CENPP: variants seen among roughly 807,000 people sequenced by gnomAD.
CENPP encodes centromere protein P.
CENPP carries 24 observed loss-of-function variants against 35.6 expected under a neutral mutation model. The observed-to-expected ratio is 0.67, with a 90% CI of 0.49 to 0.95. The LOEUF (loss-of-function observed/expected upper bound fraction) is 0.95, where lower values mean the gene tolerates loss of function less well. Ranked by LOEUF, CENPP falls within the 40% of genes least tolerant of loss-of-function variation. CENPP has a pLI of 0.00. For synonymous variants in CENPP, 120 were observed against 125.5 expected, an observed-to-expected ratio of 0.96 and a Z score of 0.29; for missense variants, 332 against 345.3, an observed-to-expected ratio of 0.96 and a Z score of 0.31.
chr9:92,612,847 C>T (rs1003215784), intron 7 of CENPP, among the ~76,000 whole-genome samples, 172 bp from the exon 8 acceptor site: 1 of 152,166 alleles, frequency 6.6e-6, no homozygotes, highest in Admixed American at 6.5e-5. Context: ...TGCCTCCAGC[C>T]GTAGGTGAGG....
chr9:92,380,921 G>A (rs1842226960), intron 5 of CENPP, among the ~76,000 whole-genome samples: 1 of 152,144 alleles, frequency 6.6e-6, no homozygotes, highest in Non-Finnish European at 1.5e-5. Flanking sequence ...CAGGTATGAA[G>A]TATAATTGGT....
intron 5 of CENPP, among the ~76,000 whole-genome samples, chr9:92,483,782 C>T (rs72754415): frequency 0.031 from 4,729 of 152,266 alleles, 113 homozygotes; most frequent in South Asian, 0.083. Flanking sequence ...TAGCAGCTGG[C>T]TATGTGTTCA....
rs376458848 is a variant in CENPP at position 92,583,652 on chromosome 9, G to T, written c.565-27662G>T. On this transcript the variant is annotated intron_variant, in intron 5 of 7. Coordinates refer to ENST00000375587, the MANE Select transcript of CENPP (RefSeq NM_001012267.3). ...GGTTTTTTTTTTCTTCTTTTTTGGA[G>T]GGTAGATTAAAACCATTAGCTATAC... is the stretch of plus-strand genomic sequence containing the variant. Among the ~76,000 whole-genome samples the T allele has an allele frequency of 9.2e-5, 14 of 151,666 alleles. No individual in the cohort carries two copies. The East Asian group carries it at 1.9e-3, about 21-fold the overall frequency.
intron 1 of CENPP, among the ~76,000 whole-genome samples, chr9:92,331,139 T>C (rs1000584969): frequency 2.0e-5 from 3 of 152,252 alleles, no homozygotes; most frequent in African/African-American, 7.2e-5. Flanking sequence ...TGTTTACTTT[T>C]AGAAATTAAA....
At chr9:92,610,938 A>T in intron 5 of CENPP, 1 of 253,518 alleles carries the variant, frequency 3.9e-6, no homozygotes, top group Non-Finnish European at 7.6e-6. Flanking sequence ...AGCCTGACGC[A>T]TCCGCTTGGG....
rs78372603 is a variant in CENPP, at chr9:92,523,126, G to A, written c.565-88188G>A. On this transcript the variant is annotated intron_variant, in intron 5 of 7. Coordinates refer to ENST00000375587, the MANE Select transcript of CENPP (RefSeq NM_001012267.3). ...GATGGGGTCTTGCTCCATCGCCCAG[G>A]CTGGAGTGCAGTGGTTCAGTCATGA... 4.6e-3 allele frequency among the ~76,000 whole-genome samples: 704 copies of A among 151,790 alleles called. 4 individuals carry two copies. The highest frequency in any genetic ancestry group is 0.015 in the African/African-American group (606 of 41,358).
intron 5 of CENPP, among the ~76,000 whole-genome samples, chr9:92,399,369 G>A (rs750192340): frequency 9.9e-5 from 15 of 151,704 alleles, no homozygotes; most frequent in Non-Finnish European, 1.5e-4. Context: ...TTTTTCCAGT[G>A]GATTTTTGGT....
chr9:92,603,433 T>C (rs1850982804), intron 5 of CENPP, among the ~76,000 whole-genome samples: 1 of 152,174 alleles, frequency 6.6e-6, no homozygotes, highest in Admixed American at 6.5e-5. Context: ...TTTCTGAAGT[T>C]TATCATACTT....
rs143686907 is a variant in CENPP at position 92,359,429 on chromosome 9, C to G, written c.467+13642C>G. On this transcript the variant is annotated intron_variant, in intron 4 of 7. Transcript: ENST00000375587. ...ATTTATTCATATTTTTGTAGGCCAT[C>G]TCTGTGCCAGGGATTAACCTGAGGT... Among the ~76,000 whole-genome samples the G allele has an allele frequency of 1.5e-3, 222 of 152,166 alleles. 1 individual carries two copies. Among genetic ancestry groups the G allele is most frequent in the Admixed American group, 4.7e-3 (72 of 15,284 alleles).
At chr9:92,542,055 G>A (rs1849330697) in intron 5 of CENPP, among the ~76,000 whole-genome samples, 1 of 152,150 alleles carries the variant, frequency 6.6e-6, no homozygotes, top group Admixed American at 6.5e-5. Flanking sequence ...GCCTCCCAAA[G>A]TGCTGGGATT....
Position 92,618,639 on chromosome 9 carries a change from G to A in CENPP, c.*5490G>A, listed in dbSNP as rs762519861. The A allele has an allele frequency of 9.0e-6, 4 of 446,180 alleles. No individual in the cohort carries two copies. Among genetic ancestry groups the A allele is most frequent in the South Asian group, 3.1e-5 (2 of 63,844 alleles). The allele number at this position is 446,180 out of a possible 1,614,324, so 27.6% of individuals were successfully genotyped here. A position where few individuals can be genotyped will look rare whatever the true frequency, so the allele number is the denominator to read the frequency against. ...TTAGCCCTGTAGGTATTTCCTTAGG[G>A]GATAACAGGAGTTTTCAACTAAATA... On this transcript the variant is annotated 3_prime_UTR_variant, in exon 8 of 8. Coordinates refer to ENST00000375587, the MANE Select transcript of CENPP (RefSeq NM_001012267.3).
intron 3 of CENPP, among the ~76,000 whole-genome samples, chr9:92,345,201 C>G (rs949461764): frequency 6.6e-6 from 1 of 151,952 alleles, no homozygotes; most frequent in Non-Finnish European, 1.5e-5. Context: ...TGCAGTGAGC[C>G]GAGATCGCGC....
rs909176139 is a variant in CENPP, at chr9:92,379,830, T to C, written c.535T>C (p.Tyr179His). 2 of 1,612,826 alleles carry C rather than the reference T, an allele frequency of 1.2e-6. No individual in the cohort carries two copies. The highest frequency in any genetic ancestry group is 1.7e-6 in the Non-Finnish European group (2 of 1,178,828). ...GCATTTTTTTGTGGAGTGGTTTGAA[T>C]ATCGTAAGCGCACGTTTAAACATCT... is the stretch of plus-strand genomic sequence containing the variant. The part of the protein sequence containing the change: ...SLHFFVEWFE[Y>H]RKRTFKHLKE... The change falls in exon 5 of 8, where the codon TAT becomes CAT. Residue 179 changes from tyrosine to histidine, a missense_variant. Transcript: ENST00000375587.
intron 5 of CENPP, among the ~76,000 whole-genome samples, chr9:92,485,661 G>A (rs1481306227): frequency 1.3e-5 from 2 of 152,154 alleles, no homozygotes; most frequent in Admixed American, 6.5e-5. Context: ...GGAGGACCTT[G>A]GAAACTGTCT....
intron 5 of CENPP, among the ~76,000 whole-genome samples, chr9:92,428,323 C>A (rs1168396902): frequency 6.6e-6 from 1 of 152,108 alleles, no homozygotes; most frequent in Non-Finnish European, 1.5e-5. Flanking sequence ...GGCCGGAGGT[C>A]CATCATCATC....
intron 4 of CENPP, among the ~76,000 whole-genome samples, chr9:92,361,535 A>G (rs1235405497): frequency 1.3e-5 from 2 of 150,994 alleles, no homozygotes; most frequent in African/African-American, 2.4e-5. Context: ...GCTGGAGTGC[A>G]GTGGCACAAT....
chr9:92,513,320 C>T (rs1209154028), intron 5 of CENPP, among the ~76,000 whole-genome samples: 1 of 152,168 alleles, frequency 6.6e-6, no homozygotes, highest in Non-Finnish European at 1.5e-5. Context: ...CAAGTGCGGG[C>T]AGGCTGCAGA....
chr9:92,378,599 T>C (rs1352963881), intron 4 of CENPP, among the ~76,000 whole-genome samples: 2 of 152,162 alleles, frequency 1.3e-5, no homozygotes, highest in African/African-American at 4.8e-5. Flanking sequence ...AACGGAAGCA[T>C]TGGGGTGGAA....
At chr9:92,382,902 T>G in intron 5 of CENPP, among the ~76,000 whole-genome samples, 1 of 143,518 alleles carries the variant, frequency 7.0e-6, no homozygotes, top group Non-Finnish European at 1.5e-5. Flanking sequence ...CTTTTTTTTT[T>G]TTTTTTTTTT....
Sources: allele counts gnomAD v4.1 joint callset (sites outside exome capture counted in the v4.1 genomes callset), GRCh38; gene constraint gnomAD v4.1.1; transcripts MANE v1.5; gene names NCBI Gene and HGNC (gene_info 2026-07-23, HGNC 2026-07-21).